The following PRIM2 variants were observed in gnomAD, a reference collection of about 807,000 sequenced individuals.
The protein encoded by PRIM2 is DNA primase subunit 2, also known as DNA primase large subunit.
Under a neutral mutation model 67.3 loss-of-function variants are expected in PRIM2, and 39 were observed. That is an observed-to-expected ratio of 0.58 (90% confidence interval 0.45 to 0.76). The LOEUF is 0.76. Among genes scored for constraint, PRIM2 ranks in the 30% least tolerant of loss-of-function variants. The probability of loss-of-function intolerance (pLI) is 0.00; values close to 1 mark genes in which losing one functional copy is unlikely to be tolerated. For synonymous variants in PRIM2, 143 were observed against 198.7 expected (o/e 0.72, Z 2.36); for missense variants, 398 against 598.7 (o/e 0.66, Z 3.50).
chr6:57,289,415 G>C, the PRIM2 span, among the ~76,000 whole-genome samples: 2 of 152,152 alleles, frequency 1.3e-5, no homozygotes, highest in African/African-American at 2.4e-5. Flanking sequence ...CCCCAACCTA[G>C]CAAGGCAGGC....
intron 7 of PRIM2, among the ~76,000 whole-genome samples, chr6:57,465,442 G>T (rs1773151741): frequency 1.3e-5 from 2 of 152,264 alleles, no homozygotes; most frequent in African/African-American, 4.8e-5. Flanking sequence ...AGGGCCCAGA[G>T]TTAGTGGTAC....
the PRIM2 span, among the ~76,000 whole-genome samples, chr6:57,223,856 C>A: frequency 6.6e-6 from 1 of 152,084 alleles, no homozygotes; most frequent in Non-Finnish European, 1.5e-5. Context: ...AAAATTATAA[C>A]CTTTGTGTGC....
At chr6:57,326,893 C>CTTTTTTT (rs70989764) in intron 5 of PRIM2, among the ~76,000 whole-genome samples, 2 of 131,486 alleles carry the variant, frequency 1.5e-5, no homozygotes, top group African/African-American at 3.0e-5. Flanking sequence ...GAATTTGTAT[C>CTTTTTTT]TTTTTTTTTT....
At chr6:57,278,985 T>C in the PRIM2 span, among the ~76,000 whole-genome samples, 2 of 152,196 alleles carry the variant, frequency 1.3e-5, no homozygotes, top group Admixed American at 1.3e-4. Flanking sequence ...AAATATTCTG[T>C]TATGCTTATT....
At position 57,422,378 on chromosome 6, in the gene PRIM2, C is replaced by T. The variant is rs182200836; in HGVS notation, c.693+40210C>T. Among the ~76,000 whole-genome samples, 1,149 of 151,954 alleles carry T rather than the reference C, an allele frequency of 7.6e-3. 6 individuals carry two copies. The highest frequency in any genetic ancestry group is 0.012 in the Non-Finnish European group (795 of 67,952). On this transcript the variant is annotated intron_variant, in intron 7 of 13. Transcript: ENST00000615550. ...TCTTGAACTCCTGACCTCAGGTGAT[C>T]CTCCCGCCTTGGCCTCCCAAAGTGC...
the PRIM2 span, among the ~76,000 whole-genome samples, chr6:57,277,920 C>G: frequency 2.0e-5 from 3 of 150,680 alleles, no homozygotes; most frequent in Non-Finnish European, 4.4e-5. Context: ...GGAGGTGGAG[C>G]TTGCAGTGAG....
chr6:57,364,392 A>G (rs1028241652), intron 5 of PRIM2, among the ~76,000 whole-genome samples: 3 of 152,056 alleles, frequency 2.0e-5, no homozygotes, highest in African/African-American at 7.2e-5. Flanking sequence ...TTCTGAGAGT[A>G]TTACTTTAGG....
rs1407449789 is a variant in PRIM2, at chr6:57,483,020, G to A, written c.694-24367G>A. ...CGCCTCCTGGGTTCAATCTATTCTC[G>A]TGCCTCAGCCTCCAGAGTAGCTGGG... On this transcript the variant is annotated intron_variant, in intron 7 of 13. Coordinates refer to ENST00000615550, the MANE Select transcript of PRIM2 (RefSeq NM_000947.5). Among the ~76,000 whole-genome samples the A allele has an allele frequency of 2.0e-5, 3 of 152,024 alleles. No homozygotes were observed. The South Asian group carries it at 6.2e-4, about 32-fold the overall frequency.
chr6:57,492,555 TA>T (rs1773922164), intron 7 of PRIM2, among the ~76,000 whole-genome samples: 1 of 145,800 alleles, frequency 6.9e-6, no homozygotes, highest in African/African-American at 2.7e-5. Flanking sequence ...AAAAAAAAAA[TA>T]AATAAATAAA....
chr6:57,337,518 C>A (rs1248248512), intron 5 of PRIM2, among the ~76,000 whole-genome samples: 1 of 151,900 alleles, frequency 6.6e-6, no homozygotes, highest in East Asian at 1.9e-4. Context: ...ATCTCTCAGA[C>A]CACAGTGCAA....
intron 10 of PRIM2, among the ~76,000 whole-genome samples, chr6:57,598,458 G>C (rs1351224835): frequency 6.6e-6 from 1 of 152,070 alleles, no homozygotes. Context: ...TTAGATTTTT[G>C]TCCAAGATTC....
At chr6:57,394,129 G>T (rs1435040313) in intron 7 of PRIM2, among the ~76,000 whole-genome samples, 1 of 152,164 alleles carries the variant, frequency 6.6e-6, no homozygotes, top group Non-Finnish European at 1.5e-5. Flanking sequence ...GCTTAGCCTT[G>T]CTTTGGCTAT....
intron 7 of PRIM2, among the ~76,000 whole-genome samples, chr6:57,423,920 T>G (rs1038940400): frequency 2.0e-5 from 3 of 152,190 alleles, no homozygotes; most frequent in African/African-American, 7.2e-5. Context: ...AAGCTCCTTC[T>G]TGTGTGCCTG....
chr6:57,365,872 A>C (rs62417962), intron 5 of PRIM2, among the ~76,000 whole-genome samples: 3 of 141,442 alleles, frequency 2.1e-5, no homozygotes, highest in Non-Finnish European at 4.5e-5. Flanking sequence ...AGGCTGAGGC[A>C]GGAGAATTGC....
At chr6:57,457,488 C>T (rs1292943597) in intron 7 of PRIM2, among the ~76,000 whole-genome samples, 51 of 152,160 alleles carry the variant, frequency 3.4e-4, no homozygotes, top group Non-Finnish European at 6.5e-4. Context: ...TTGGCAATGG[C>T]GGGCACCCCT....
chr6:57,558,972 T>TA (rs1222074694), intron 10 of PRIM2, among the ~76,000 whole-genome samples: 3 of 151,656 alleles, frequency 2.0e-5, no homozygotes, highest in Non-Finnish European at 4.4e-5. Flanking sequence ...TCCAAAAAAA[T>TA]AAAAAAATTA....
the PRIM2 span, among the ~76,000 whole-genome samples, chr6:57,274,685 C>T: frequency 6.6e-6 from 1 of 152,264 alleles, no homozygotes. Flanking sequence ...CCTGATACTT[C>T]AGTTGGAAAT....
intron 10 of PRIM2, among the ~76,000 whole-genome samples, chr6:57,571,846 G>A (rs1775869128): frequency 6.6e-6 from 1 of 152,130 alleles, no homozygotes; most frequent in South Asian, 2.1e-4. Flanking sequence ...ATTTCTAGTG[G>A]ATGACAGAAA....
chr6:57,630,476 T>G lies in PRIM2; in HGVS notation c.1231-1657T>G, dbSNP rs1462665127. ...TCTGTGGCTTTTATGTCAGTTTTCT[T>G]TAGTAAGTTTTTTACACGTGTGGAT... On this transcript the variant is annotated intron_variant, in intron 12 of 13. Coordinates refer to ENST00000615550, the MANE Select transcript of PRIM2 (RefSeq NM_000947.5). 2.6e-4 allele frequency among the ~76,000 whole-genome samples: 40 copies of G among 152,148 alleles called. No homozygotes were observed. In the East Asian group the frequency reaches 7.5e-3, roughly 29 times the overall value.
Sources: gnomAD v4.1 joint callset for allele counts (sites outside exome capture counted in the v4.1 genomes callset) on GRCh38, gnomAD v4.1.1 for gene constraint, MANE v1.5 for transcripts, NCBI Gene and HGNC (gene_info 2026-07-23, HGNC 2026-07-21) for gene names.